Variants in DEF8 observed in about 807,000 individuals in gnomAD.
DEF8 encodes the protein DEF-8.
A neutral mutation model predicts 59.1 loss-of-function variants in DEF8; 38 were observed. The observed-to-expected ratio is 0.64, with a 90% CI of 0.50 to 0.84. The LOEUF (loss-of-function observed/expected upper bound fraction) is 0.84, where lower values mean the gene tolerates loss of function less well. Among genes scored for constraint, DEF8 ranks in the 40% least tolerant of loss-of-function variants. DEF8 has a pLI of 0.00. For missense variants in DEF8, 557 were observed against 615.2 expected (o/e 0.91, Z 1.00); for synonymous variants, 265 against 250.1 (o/e 1.06, Z -0.56).
chr16:89,963,375 G>T lies in DEF8; in HGVS notation c.934G>T (p.Asp312Tyr), dbSNP rs1259562969. The T allele has an allele frequency of 2.5e-6, 4 of 1,613,660 alleles. No individual in the cohort carries two copies. The highest frequency in any genetic ancestry group is 2.5e-6 in the Non-Finnish European group (3 of 1,179,862). ...GCCTTGTTTGCAGAAGCTGCGCCAG[G>T]ACATCCTGCTCATGAAGCCGTACTT... ...ELVEIRKLRQ[D>Y]ILLMKPYFIT... The change falls in exon 10 of 13, where the codon GAC becomes TAC. Residue 312 changes from aspartate to tyrosine, a missense_variant. Coordinates refer to ENST00000563594, the MANE Select transcript of DEF8 (RefSeq NM_001242818.2).
At position 89,949,529 on chromosome 16, in the gene DEF8, A is replaced by G. The variant is rs770640415; in HGVS notation, c.-11+16A>G. On this transcript the variant is annotated intron_variant, in intron 2 of 12. Coordinates refer to ENST00000563594, the MANE Select transcript of DEF8 (RefSeq NM_001242818.2). ...GGCGATGCAGGTATGGGCAGACAGG[A>G]CGCTGTTGACTCCGCACACCGGGGT... 2 of 1,613,008 alleles carry G rather than the reference A, an allele frequency of 1.2e-6. No individual in the cohort carries two copies. Among genetic ancestry groups the G allele is most frequent in the East Asian group, 2.2e-5 (1 of 44,816 alleles).
rs1028057724 is a variant in DEF8 at position 89,954,770 on chromosome 16, G to A, written c.124+394G>A. Among the ~76,000 whole-genome samples, 2 of 152,172 alleles carry A rather than the reference G, an allele frequency of 1.3e-5. No homozygotes were observed. Among genetic ancestry groups the A allele is most frequent in the South Asian group, 2.1e-4 (1 of 4,834 alleles). On this transcript the variant is annotated intron_variant, in intron 3 of 12. Coordinates refer to ENST00000563594, the MANE Select transcript of DEF8 (RefSeq NM_001242818.2). This position sits in a 1 kb window ranked among gnomAD's most constrained non-coding sequence, Gnocchi z 4.3. ...GAGGTCATCAGGGAGTGCTTGGAGCGGGGCAGCTGCAGAGACGGCCTGGAG... is the reference window on the plus strand; with the variant it reads ...GAGGTCATCAGGGAGTGCTTGGAGCAGGGCAGCTGCAGAGACGGCCTGGAG...
chr16:89,958,991 C>G (rs765074220), intron 5 of DEF8, 23 bp from the exon 6 acceptor site: 8 of 1,606,916 alleles, frequency 5.0e-6, no homozygotes, highest in South Asian at 1.1e-5. Flanking sequence ...CCTGTGACCC[C>G]CTCCCTGACT....
At chr16:89,952,046 T>G (rs1396010604) in intron 2 of DEF8, among the ~76,000 whole-genome samples, 1 of 152,090 alleles carries the variant, frequency 6.6e-6, no homozygotes, top group East Asian at 1.9e-4. Context: ...CCTGGCTAAT[T>G]TTTTGTATTT....
intron 12 of DEF8, 115 bp downstream of exon 12, chr16:89,964,690 GA>G (rs1315294252): frequency 2.8e-6 from 2 of 719,870 alleles, no homozygotes; most frequent in Non-Finnish European, 4.7e-6. Context: ...GCTCCCCCGA[GA>G]AAGGGGAGAC....
intron 3 of DEF8, 31 bp from the exon 4 acceptor site, chr16:89,955,138 A>T (rs760576909): frequency 7.0e-6 from 11 of 1,563,514 alleles, no homozygotes; most frequent in Middle Eastern, 1.7e-4. Context: ...GTAGCAGCTG[A>T]CGCTCCACAC....
In DEF8 at chr16:89,965,873, C is replaced by G. The variant is rs201182803; in HGVS notation, c.1266C>G (p.Tyr422Ter). 1 of 1,613,004 alleles carries G rather than the reference C, an allele frequency of 6.2e-7. No individual in the cohort carries two copies. Among genetic ancestry groups the G allele is most frequent in the South Asian group, 1.1e-5 (1 of 91,022 alleles). Residue 422 changes from tyrosine to a stop codon, truncating the protein, a stop_gained, in exon 13 of 13, where the codon TAC becomes TAG. Transcript: ENST00000563594. LOFTEE classifies it high-confidence loss of function. ...TTTCTGCCCCCAGGGACTGCTACTA[C>G]GACAACTCCACCACTTGTCCCAAGT... ...CSAVFHRDCY[Y>*]DNSTTCPKCA... is the part of the protein sequence containing the mutation.
chr16:89,967,728 C>G lies in DEF8; in HGVS notation c.*1765C>G, dbSNP rs935041605. On this transcript the variant is annotated 3_prime_UTR_variant, in exon 13 of 13. Coordinates refer to ENST00000563594, the MANE Select transcript of DEF8 (RefSeq NM_001242818.2). ...ATATGGATATTAGCCATTCCGAAAT[C>G]TGTGTAATCAACTTCACATTATTCA... 8.3e-6 allele frequency: 3 copies of G among 363,568 alleles called. No individual in the cohort carries two copies. Among genetic ancestry groups the G allele is most frequent in the African/African-American group, 6.3e-5 (3 of 47,894 alleles). 22.5% of individuals were successfully genotyped at this position (363,568 alleles called of 1,614,324 possible).
intron 10 of DEF8, 31 bp downstream of exon 10, chr16:89,963,474 G>C (rs2034290423): frequency 6.3e-7 from 1 of 1,595,800 alleles, no homozygotes; most frequent in East Asian, 2.2e-5. Flanking sequence ...GGCCCCCGAT[G>C]GGAAGCGCAG....
chr16:89,955,719 T>C (rs1237917320), intron 4 of DEF8, among the ~76,000 whole-genome samples: 1 of 152,168 alleles, frequency 6.6e-6, no homozygotes, highest in Non-Finnish European at 1.5e-5. Context: ...TTGTTCCGTG[T>C]TTTGTTCCAT....
Position 89,965,803 on chromosome 16 carries a change from G to A in DEF8, c.1254-58G>A, listed in dbSNP as rs1014831610. 25 of 1,181,962 alleles carry A rather than the reference G, an allele frequency of 2.1e-5. No homozygotes were observed. In the African/African-American group the frequency reaches 3.7e-4, roughly 17 times the overall value. The allele number at this position is 1,181,962 out of a possible 1,614,324, so 73.2% of individuals were successfully genotyped here. ...GATAGGAGCTGACCTAGGACGCTTG[G>A]GGGGATTCAGTGCTGGAGTTTCCTG... On this transcript the variant is annotated intron_variant, in intron 12 of 12. Coordinates refer to ENST00000563594, the MANE Select transcript of DEF8 (RefSeq NM_001242818.2).
intron 2 of DEF8, chr16:89,950,355 A>G (rs2031784345): frequency 1.0e-6 from 1 of 984,716 alleles, no homozygotes; most frequent in African/African-American, 1.8e-5. Flanking sequence ...ATTTATAGGC[A>G]AGACAATGGA....
In DEF8 at chr16:89,955,248, C is replaced by T. The variant is rs749752613; in HGVS notation, c.204C>T (p.Asp68=). 1.2e-6 allele frequency: 2 copies of T among 1,613,520 alleles called. No individual in the cohort carries two copies. The highest frequency in any genetic ancestry group is 1.7e-5 in the Admixed American group (1 of 60,000). The change falls in exon 4 of 13, where the codon GAC becomes GAT. Residue 68 remains aspartate (D), a synonymous_variant. Coordinates refer to ENST00000563594, the MANE Select transcript of DEF8 (RefSeq NM_001242818.2). ...TGATGGATCTCGGCCTGTCTGAGGACCACTTCTCCCGCCCTGTGGTAAGGT... is the reference window on the plus strand; with the variant it reads ...TGATGGATCTCGGCCTGTCTGAGGATCACTTCTCCCGCCCTGTGGTAAGGT... The part of the protein sequence containing the change: ...ERVMDLGLSE[D]HFSRPVGLFL...
rs764495497 is a variant in DEF8, at chr16:89,962,018, C to T, written c.814C>T (p.Arg272Cys). The T allele has an allele frequency of 1.7e-5, 27 of 1,613,954 alleles. No homozygotes were observed. The highest frequency in any genetic ancestry group is 2.2e-5 in the South Asian group (2 of 91,080). Reference protein sequence around the residue: ...NWDFEPRKVSRCSMRYLALMV... With the variant: ...NWDFEPRKVSCCSMRYLALMV... ...ACCCGGCCGTGCCTGGCAGGTTTCT[C>T]GCTGCAGCATGCGCTACCTGGCGCT... is the stretch of plus-strand genomic sequence containing the variant. Residue 272 changes from arginine (R) to cysteine (C), a missense_variant, in exon 9 of 13, where the codon CGC (arginine) becomes TGC (cysteine). Physicochemically the swap from Arg to Cys is radical, Grantham distance 180. Transcript: ENST00000563594.
At chr16:89,959,304 C>T (rs2033706951) in intron 6 of DEF8, 149 bp downstream of exon 6, 4 of 1,492,968 alleles carry the variant, frequency 2.7e-6, no homozygotes, top group East Asian at 5.0e-5. Flanking sequence ...TATGCATTTC[C>T]TCGTTGTACT....
intron 7 of DEF8, 85 bp downstream of exon 7, chr16:89,961,180 C>CA: frequency 6.5e-7 from 1 of 1,526,886 alleles, no homozygotes; most frequent in Non-Finnish European, 8.8e-7. Flanking sequence ...GCACGTAAGT[C>CA]AGACAGTTGA....
chr16:89,949,972 C>A (rs953934130), intron 2 of DEF8: 1 of 966,632 alleles, frequency 1.0e-6, no homozygotes, highest in Non-Finnish European at 1.3e-6. Flanking sequence ...GCGAGGCCAG[C>A]GGCCTCCCCT....
intron 12 of DEF8, among the ~76,000 whole-genome samples, chr16:89,964,877 C>T (rs1368150387): frequency 6.6e-6 from 1 of 152,238 alleles, no homozygotes; most frequent in Non-Finnish European, 1.5e-5. Context: ...GTGTTCACAG[C>T]ATCCCAGCTG....
Position 89,949,387 on chromosome 16 carries a change from G to A in DEF8, c.-107-30G>A, listed in dbSNP as rs546582914. Reference sequence around the variant, plus strand: ...TCCCGCGGGTGTGGTGGGTGGGGAGGCACAGTGCTGGGGTGGCTTCTCCCT... The same window carrying A: ...TCCCGCGGGTGTGGTGGGTGGGGAGACACAGTGCTGGGGTGGCTTCTCCCT... On this transcript the variant is annotated intron_variant, in intron 1 of 12. Transcript: ENST00000563594. 3.5e-5 allele frequency: 54 copies of A among 1,550,046 alleles called. 1 individual carries two copies. In the Admixed American group the frequency reaches 8.5e-4, roughly 24 times the overall value.
Sources: gnomAD v4.1 joint callset for allele counts (sites outside exome capture counted in the v4.1 genomes callset) on GRCh38, gnomAD v4.1.1 for gene constraint, Gnocchi (gnomAD v3.1) non-coding constraint, MANE v1.5 for transcripts, NCBI Gene and HGNC (gene_info 2026-07-23, HGNC 2026-07-21) for gene names.